TMPRSS11E: variants seen among roughly 807,000 people sequenced by gnomAD.
TMPRSS11E encodes the protein transmembrane protease serine 11E.
In TMPRSS11E, 38 loss-of-function variants were observed where a neutral mutation model predicts 48.1. The ratio of observed to expected loss-of-function variants is 0.79; its 90% CI spans 0.61 to 1.04. The LOEUF is 1.04. Among genes scored for constraint, TMPRSS11E ranks in the 50% least tolerant of loss-of-function variants. TMPRSS11E has a pLI of 0.00. For synonymous variants in TMPRSS11E, 158 were observed against 171.9 expected, an observed-to-expected ratio of 0.92 and a Z score of 0.63; for missense variants, 530 against 510.8, an observed-to-expected ratio of 1.04 and a Z score of -0.36.
Position 68,478,891 on chromosome 4 carries a change from T to A in TMPRSS11E, c.1010T>A (p.Ile337Lys), listed in dbSNP as rs755615811. 1 of 1,614,062 alleles carries A rather than the reference T, an allele frequency of 6.2e-7. No homozygotes were observed. The highest frequency in any genetic ancestry group is 8.5e-7 in the Non-Finnish European group (1 of 1,179,964). Residue 337 changes from isoleucine (I) to lysine (K), a missense_variant, in exon 9 of 10, where the codon ATA becomes AAA. Physicochemically the swap from Ile to Lys is moderately radical, Grantham distance 102 (BLOSUM62 -3). Transcript: ENST00000305363. ...NHLRQAQVTL[I>K]DATTCNEPQA... ...CTTCGACAAGCACAGGTGACTCTCA[T>A]AGACGCTACAACTTGCAATGAACCT...
intron 1 of TMPRSS11E, among the ~76,000 whole-genome samples, chr4:68,447,942 T>G (rs1307716864): frequency 3.9e-5 from 6 of 152,134 alleles, no homozygotes; most frequent in African/African-American, 1.4e-4. Flanking sequence ...AAATGTTTAT[T>G]TCTGTAAGTA....
chr4:68,477,127 C>A (rs556402262), intron 7 of TMPRSS11E, among the ~76,000 whole-genome samples: 5 of 151,896 alleles, frequency 3.3e-5, no homozygotes, highest in East Asian at 3.9e-4. Flanking sequence ...ACAGAAAAAT[C>A]AAAAAGCCTT....
intron 1 of TMPRSS11E, among the ~76,000 whole-genome samples, chr4:68,457,600 ATGT>A (rs1428617698): frequency 6.6e-6 from 1 of 152,168 alleles, no homozygotes; most frequent in African/African-American, 2.4e-5. Flanking sequence ...ATGCACACGT[ATGT>A]TTATTGCGGC....
At chr4:68,463,962 A>G (rs990669179) in intron 2 of TMPRSS11E, among the ~76,000 whole-genome samples, 2 of 152,290 alleles carry the variant, frequency 1.3e-5, no homozygotes, top group East Asian at 3.9e-4. Context: ...TCCCAAGCCA[A>G]GTTTTATAAG....
intron 2 of TMPRSS11E, 63 bp from the exon 3 acceptor site, chr4:68,466,568 T>C: frequency 1.3e-6 from 2 of 1,572,706 alleles, no homozygotes; most frequent in South Asian, 2.3e-5. Context: ...CAAGCGGGGA[T>C]ATAATGATGC....
intron 1 of TMPRSS11E, among the ~76,000 whole-genome samples, chr4:68,453,856 AT>A (rs1728559775): frequency 1.3e-5 from 2 of 151,776 alleles, no homozygotes; most frequent in Admixed American, 1.3e-4. Flanking sequence ...GTCTCCTACT[AT>A]TGTGCTGTCC....
chr4:68,477,160 G>T (rs1729244482), intron 7 of TMPRSS11E, among the ~76,000 whole-genome samples: 1 of 151,834 alleles, frequency 6.6e-6, no homozygotes, highest in Non-Finnish European at 1.5e-5. Flanking sequence ...GGATGACTTG[G>T]CATATGGAGT....
chr4:68,456,912 T>C (rs1728647402), intron 1 of TMPRSS11E, among the ~76,000 whole-genome samples: 1 of 152,130 alleles, frequency 6.6e-6, no homozygotes, highest in Non-Finnish European at 1.5e-5. Flanking sequence ...TAACTCAAGA[T>C]GGATTAAACT....
intron 9 of TMPRSS11E, among the ~76,000 whole-genome samples, chr4:68,481,723 G>A (rs1482041352): frequency 6.6e-6 from 1 of 152,196 alleles, no homozygotes; most frequent in Non-Finnish European, 1.5e-5. Flanking sequence ...GCCAAGGGAG[G>A]TGGATCACTA....
At chr4:68,491,155 C>T (rs1303653446) in intron 9 of TMPRSS11E, among the ~76,000 whole-genome samples, 1 of 151,708 alleles carries the variant, frequency 6.6e-6, no homozygotes, top group East Asian at 1.9e-4. Flanking sequence ...TTATTGTCTT[C>T]CTGGATTTGC....
chr4:68,461,755 G>C (rs2109673380), intron 1 of TMPRSS11E, 66 bp from the exon 2 acceptor site: 1 of 1,606,542 alleles, frequency 6.2e-7, no homozygotes, highest in Non-Finnish European at 8.5e-7. Flanking sequence ...CAAAATATCT[G>C]TTTTGTCTAA....
intron 9 of TMPRSS11E, among the ~76,000 whole-genome samples, chr4:68,483,353 G>A (rs754167919): frequency 3.3e-5 from 5 of 152,164 alleles, no homozygotes; most frequent in African/African-American, 7.2e-5. Flanking sequence ...TCAGGGATCC[G>A]TTACCCAAAC....
intron 9 of TMPRSS11E, among the ~76,000 whole-genome samples, chr4:68,479,440 T>G (rs1211351510): frequency 6.6e-6 from 1 of 150,828 alleles, no homozygotes; most frequent in Non-Finnish European, 1.5e-5. Flanking sequence ...GGCTTTTTGT[T>G]GTAGAAAAAT....
At chr4:68,491,865 T>C (rs1359845740) in intron 9 of TMPRSS11E, among the ~76,000 whole-genome samples, 1 of 107,786 alleles carries the variant, frequency 9.3e-6, no homozygotes. Flanking sequence ...TGCTTTCGCA[T>C]GAACACTATC....
chr4:68,463,303 A>AC (rs1427235510), intron 2 of TMPRSS11E, among the ~76,000 whole-genome samples: 1 of 151,884 alleles, frequency 6.6e-6, no homozygotes, highest in African/African-American at 2.4e-5. Context: ...TCTGTAGCAC[A>AC]CTTTTTTTTT....
At chr4:68,452,870 G>A (rs564298566) in intron 1 of TMPRSS11E, among the ~76,000 whole-genome samples, 4 of 151,976 alleles carry the variant, frequency 2.6e-5, no homozygotes, top group Middle Eastern at 3.4e-3. Flanking sequence ...TTAAAAACAG[G>A]GTAATGAATT....
intron 1 of TMPRSS11E, among the ~76,000 whole-genome samples, chr4:68,448,087 A>G (rs547034060): frequency 8.5e-5 from 13 of 152,128 alleles, no homozygotes; most frequent in Middle Eastern, 6.8e-3. Flanking sequence ...TTCTCCAAAG[A>G]TAAGTCATGA....
At chr4:68,495,550 G>T (rs973900711) in intron 9 of TMPRSS11E, among the ~76,000 whole-genome samples, 2 of 152,070 alleles carry the variant, frequency 1.3e-5, no homozygotes, top group Non-Finnish European at 2.9e-5. Context: ...ACATACGAGG[G>T]TATCAGTAAA....
chr4:68,452,856 C>G (rs1467106870), intron 1 of TMPRSS11E, among the ~76,000 whole-genome samples: 1 of 151,852 alleles, frequency 6.6e-6, no homozygotes, highest in Non-Finnish European at 1.5e-5. Flanking sequence ...CTATATTTGG[C>G]CTTTTAAAAA....
Sources: allele counts gnomAD v4.1 joint callset (sites outside exome capture counted in the v4.1 genomes callset), GRCh38; gene constraint gnomAD v4.1.1; transcripts MANE v1.5; gene names NCBI Gene and HGNC (gene_info 2026-07-23, HGNC 2026-07-21).